RIN2: variants seen among roughly 807,000 people sequenced by gnomAD.
RIN2 encodes Ras and Rab interactor 2.
Under a neutral mutation model 78.0 loss-of-function variants are expected in RIN2, and 36 were observed. That is an observed-to-expected ratio of 0.46 (90% CI 0.35 to 0.61). The LOEUF is 0.61. RIN2 is among the 20% of genes least tolerant of loss of function. RIN2 has a pLI of 0.00. For missense variants in RIN2, 1,087 were observed against 1,159.7 expected (o/e 0.94, Z 0.91); for synonymous variants, 466 against 466.8 (o/e 1.00, Z 0.02).
intron 2 of RIN2, among the ~76,000 whole-genome samples, chr20:19,854,073 G>C (rs2037081792): frequency 6.6e-6 from 1 of 152,150 alleles, no homozygotes; most frequent in Non-Finnish European, 1.5e-5. Flanking sequence ...GTAAGGAAGG[G>C]ATCCAGTTTC....
chr20:19,975,348 G>C lies in RIN2; in HGVS notation c.1323G>C (p.Ser441=). ...GCATTTCTACTTCCTCCTCCGACTC[G>C]CTGGAGTTCGACCGGAGCATGCCTC... ...DMSISTSSSD[S]LEFDRSMPLF... is the part of the protein sequence containing the mutation. The change falls in exon 9 of 13, where the codon TCG becomes TCC. Residue 441 remains serine, a synonymous_variant. Coordinates refer to ENST00000255006, the MANE Select transcript of RIN2 (RefSeq NM_018993.4). This position sits in a 1 kb window ranked among gnomAD's most constrained non-coding sequence, Gnocchi z 4.9. 6.2e-7 allele frequency: 1 copy of C among 1,613,216 alleles called. No individual in the cohort carries two copies. Among genetic ancestry groups the C allele is most frequent in the South Asian group, 1.1e-5 (1 of 90,958 alleles).
In RIN2 at chr20:19,965,114, T is replaced by C. The variant is rs181875989; in HGVS notation, c.536+90T>C. On this transcript the variant is annotated intron_variant, in intron 7 of 12. Coordinates refer to ENST00000255006, the MANE Select transcript of RIN2 (RefSeq NM_018993.4). ...AGGTTTCTTGAAGGATCTAGGAGGC[T>C]GGCCACCTATTTGATGTTGGCAGAT... The C allele has an allele frequency of 9.2e-5, 95 of 1,031,598 alleles. No homozygotes were observed. In the African/African-American group the frequency reaches 1.2e-3, roughly 13 times the overall value. The allele number at this position is 1,031,598 out of a possible 1,614,324, so 63.9% of individuals were successfully genotyped here.
intron 2 of RIN2, among the ~76,000 whole-genome samples, chr20:19,811,406 C>T (rs1463768849): frequency 6.6e-6 from 1 of 152,154 alleles, no homozygotes; most frequent in East Asian, 1.9e-4. Context: ...AAGGCAGTAA[C>T]TTCCTGGCAC....
At chr20:19,833,833 C>G (rs1344523051) in intron 2 of RIN2, among the ~76,000 whole-genome samples, 1 of 152,168 alleles carries the variant, frequency 6.6e-6, no homozygotes, top group Non-Finnish European at 1.5e-5. Context: ...GTGCAGTCCC[C>G]TCGCCCCAGT....
intron 1 of RIN2, among the ~76,000 whole-genome samples, chr20:19,781,151 C>T (rs975342343): frequency 6.6e-6 from 1 of 152,164 alleles, no homozygotes; most frequent in African/African-American, 2.4e-5. Flanking sequence ...CACGTGACCT[C>T]ACTTTAAATG....
intron 2 of RIN2, among the ~76,000 whole-genome samples, chr20:19,814,886 C>G (rs1325764010): frequency 1.3e-5 from 2 of 152,114 alleles, no homozygotes; most frequent in Non-Finnish European, 2.9e-5. Flanking sequence ...AGCCATCATG[C>G]CTGGCCCTGG....
In RIN2 at chr20:19,845,299, G is replaced by A. The variant is rs2036744512; in HGVS notation, c.-36-44267G>A. Among the ~76,000 whole-genome samples the A allele has an allele frequency of 2.0e-5, 3 of 151,328 alleles. No individual in the cohort carries two copies. The South Asian group carries it at 6.5e-4, about 33-fold the overall frequency. On this transcript the variant is annotated intron_variant, in intron 2 of 12. Coordinates refer to ENST00000255006, the MANE Select transcript of RIN2 (RefSeq NM_018993.4). ...GTATTTCTAGTTCTAGATCCTTGAG[G>A]AATTGCCACATTGTCTTCCACGATG... is the stretch of plus-strand genomic sequence containing the variant.
Position 19,819,678 on chromosome 20 carries a change from G to A in RIN2, c.-37+19931G>A, listed in dbSNP as rs1339611130. On this transcript the variant is annotated intron_variant, in intron 2 of 12. Transcript: ENST00000255006. ...ACCCTCCTGGTAGCTGGGACCACAG[G>A]TGCATGCCACCATGCCTAGCTAATT... Among the ~76,000 whole-genome samples, 3 of 152,114 alleles carry A rather than the reference G, an allele frequency of 2.0e-5. No individual in the cohort carries two copies. The East Asian group carries it at 5.8e-4, about 29-fold the overall frequency.
At chr20:19,817,674 T>G (rs6515041) in intron 2 of RIN2, among the ~76,000 whole-genome samples, 43,504 of 151,918 alleles carry the variant, frequency 0.29, 6,613 homozygotes, top group African/African-American at 0.41. Flanking sequence ...AACTAAAGAC[T>G]GAAAAAGTCA....
chr20:19,992,540 G>A (rs542164380), intron 11 of RIN2, among the ~76,000 whole-genome samples: 2 of 152,230 alleles, frequency 1.3e-5, no homozygotes, highest in Admixed American at 6.5e-5. Flanking sequence ...GACATCTTAA[G>A]TGTTAACTGA....
rs60012010 is a variant in RIN2, at chr20:19,829,336, T to C, written c.-37+29589T>C. On this transcript the variant is annotated intron_variant, in intron 2 of 12. Coordinates refer to ENST00000255006, the MANE Select transcript of RIN2 (RefSeq NM_018993.4). Reference sequence around the variant, plus strand: ...AATTTGTAGGACTTTGGGGGCATGATAGGAGATGAAGCCAAAAAAAGAAAA... The same window carrying C: ...AATTTGTAGGACTTTGGGGGCATGACAGGAGATGAAGCCAAAAAAAGAAAA... Among the ~76,000 whole-genome samples the C allele has an allele frequency of 5.6e-3, 847 of 151,946 alleles. 9 individuals carry two copies. Among genetic ancestry groups the C allele is most frequent in the African/African-American group, 0.017 (711 of 41,412 alleles).
At chr20:19,858,491 C>T (rs1370169534) in intron 2 of RIN2, among the ~76,000 whole-genome samples, 1 of 152,176 alleles carries the variant, frequency 6.6e-6, no homozygotes, top group African/African-American at 2.4e-5. Flanking sequence ...TTTGGAGAAG[C>T]TTGTCAAATT....
chr20:19,792,939 C>CTGTGTGTGTGTGTGTGTG (rs36049213), intron 1 of RIN2, among the ~76,000 whole-genome samples: 1 of 147,148 alleles, frequency 6.8e-6, no homozygotes, highest in Non-Finnish European at 1.5e-5. Flanking sequence ...TAAGCAGCCA[C>CTGTGTGTGTGTGTGTGTG]TGTGTGTGTG....
rs565509891 is a variant in RIN2, at chr20:19,998,988, C to T, written c.2365-1625C>T. ...CCCTCCTGCCCTCATTGACCCTGCTCACCTTGGAGGTGCATGCCTTCTCAG... is the reference window on the plus strand; with the variant it reads ...CCCTCCTGCCCTCATTGACCCTGCTTACCTTGGAGGTGCATGCCTTCTCAG... On this transcript the variant is annotated intron_variant, in intron 12 of 12. Coordinates refer to ENST00000255006, the MANE Select transcript of RIN2 (RefSeq NM_018993.4). 1.1e-4 allele frequency among the ~76,000 whole-genome samples: 16 copies of T among 152,340 alleles called. No homozygotes were observed. In the South Asian group the frequency reaches 3.3e-3, roughly 32 times the overall value.
At chr20:19,846,850 T>C (rs1408789775) in intron 2 of RIN2, among the ~76,000 whole-genome samples, 2 of 152,202 alleles carry the variant, frequency 1.3e-5, no homozygotes, top group Admixed American at 1.3e-4. Flanking sequence ...ATATTGGCTG[T>C]GGGTTTGTCA....
In RIN2 at chr20:19,975,458, A is replaced by G. The variant is rs749559639; in HGVS notation, c.1433A>G (p.Lys478Arg). 3.7e-6 allele frequency: 6 copies of G among 1,614,046 alleles called. No individual in the cohort carries two copies. The highest frequency in any genetic ancestry group is 5.1e-6 in the Non-Finnish European group (6 of 1,179,882). ...SDQETMAPPI[K>R]SKKKRSSSFV... Reference sequence around the variant, plus strand: ...CAAGAGACCATGGCGCCCCCCATCAAGTCCAAAAAGAAAAGGAGCAGCTCC... The same window carrying G: ...CAAGAGACCATGGCGCCCCCCATCAGGTCCAAAAAGAAAAGGAGCAGCTCC... The change falls in exon 9 of 13, where the codon AAG (lysine) becomes AGG (arginine). Residue 478 changes from lysine to arginine, a missense_variant. Physicochemically the swap from Lys to Arg is conservative, Grantham distance 26. Transcript: ENST00000255006. This position sits in a 1 kb window ranked among gnomAD's most constrained non-coding sequence, Gnocchi z 4.9.
intron 2 of RIN2, among the ~76,000 whole-genome samples, chr20:19,880,687 A>C (rs970073605): frequency 1.9e-4 from 29 of 152,022 alleles, no homozygotes; most frequent in Admixed American, 1.5e-3. Flanking sequence ...ATTCTTTAAA[A>C]ACCCTTCTCT....
chr20:19,816,332 G>A (rs746473965), intron 2 of RIN2, among the ~76,000 whole-genome samples: 5 of 152,112 alleles, frequency 3.3e-5, no homozygotes, highest in African/African-American at 7.2e-5. Flanking sequence ...GTGGAGAGGC[G>A]ACCCTACCTC....
chr20:19,800,512 G>C (rs537186005), intron 2 of RIN2, among the ~76,000 whole-genome samples: 126 of 152,304 alleles, frequency 8.3e-4, no homozygotes, highest in African/African-American at 3.0e-3. Context: ...GGGCTTCCAC[G>C]TAGCTCTCTA....
Sources: gnomAD v4.1 joint callset for allele counts (sites outside exome capture counted in the v4.1 genomes callset) on GRCh38, gnomAD v4.1.1 for gene constraint, Gnocchi (gnomAD v3.1) non-coding constraint, MANE v1.5 for transcripts, NCBI Gene and HGNC (gene_info 2026-07-23, HGNC 2026-07-21) for gene names.